Variants in PRKAR1A observed in about 807,000 individuals in gnomAD.
PRKAR1A encodes the protein cAMP-dependent protein kinase type I-alpha regulatory subunit.
A neutral mutation model predicts 52.0 loss-of-function variants in PRKAR1A; 3 were observed. That is an observed-to-expected ratio of 0.06 (90% confidence interval 0.03 to 0.15). The LOEUF (loss-of-function observed/expected upper bound fraction) is 0.15, where lower values mean the gene tolerates loss of function less well. PRKAR1A is among the 10% of genes least tolerant of loss of function. The pLI is 1.00. For synonymous variants in PRKAR1A, 188 were observed against 168.4 expected (o/e 1.12, Z -0.90); for missense variants, 240 against 477.4 (o/e 0.50, Z 4.63).
chr17:68,424,646 C>T, the PRKAR1A span: 8 of 388,050 alleles, frequency 2.1e-5, no homozygotes, highest in East Asian at 6.8e-5. Context: ...GAGGCCGAGA[C>T]GAGTGGATCA....
chr17:68,539,832 C>T (rs2086210342), intron 11 of PRKAR1A: 1 of 1,570,708 alleles, frequency 6.4e-7, no homozygotes, highest in Non-Finnish European at 8.8e-7. Context: ...GCTGGCTGCA[C>T]AGAGCAGCAC....
chr17:68,464,687 C>CAAA, the PRKAR1A span, among the ~76,000 whole-genome samples: 11 of 124,672 alleles, frequency 8.8e-5, no homozygotes, highest in African/African-American at 3.5e-4. Flanking sequence ...GACTCTGTCT[C>CAAA]AAAAAAAAAA....
chr17:68,486,451 C>T, the PRKAR1A span, among the ~76,000 whole-genome samples: 13 of 120,234 alleles, frequency 1.1e-4, no homozygotes, highest in Non-Finnish European at 1.9e-4. Flanking sequence ...CCTTCCTTCC[C>T]TCTTTCTTTC....
chr17:68,512,218 T>G (rs2085279006), upstream of PRKAR1A: 1 of 152,396 alleles, frequency 6.6e-6, no homozygotes, highest in African/African-American at 2.4e-5. Context: ...GTGGCGGGCG[T>G]GAGGAAACTG....
At chr17:68,510,584 C>A (rs534919161), upstream of PRKAR1A, among the ~76,000 whole-genome samples, 1 of 152,306 alleles carries the variant, frequency 6.6e-6, no homozygotes, top group Admixed American at 6.5e-5. Flanking sequence ...CATGACCGGG[C>A]CTGCTCAATG....
chr17:68,509,845 G>A (rs2085239602), upstream of PRKAR1A, among the ~76,000 whole-genome samples: 1 of 152,194 alleles, frequency 6.6e-6, no homozygotes, highest in Non-Finnish European at 1.5e-5. Context: ...ACAAGGTTGA[G>A]TGTGACTGAC....
chr17:68,422,663 AG>A, the PRKAR1A span: 1 of 127,560 alleles, frequency 7.8e-6, no homozygotes, highest in Non-Finnish European at 1.6e-5. Context: ...TAGGAGGTGG[AG>A]GTTGCAGTGA....
At chr17:68,480,976 A>G in the PRKAR1A span, among the ~76,000 whole-genome samples, 1 of 152,246 alleles carries the variant, frequency 6.6e-6, no homozygotes, top group Non-Finnish European at 1.5e-5. Context: ...CCACAGCTTC[A>G]TCTCTATGTC....
chr17:68,450,820 G>A, the PRKAR1A span: 372 of 1,614,148 alleles, frequency 2.3e-4, 8 homozygotes, highest in South Asian at 3.5e-3. Flanking sequence ...TTCATCTGCC[G>A]TGGTTTTGTG....
chr17:68,509,182 G>A (rs2143064796), upstream of PRKAR1A, among the ~76,000 whole-genome samples: 1 of 152,288 alleles, frequency 6.6e-6, no homozygotes, highest in East Asian at 1.9e-4. Flanking sequence ...CAGCAATTAT[G>A]CAATTTCTTT....
chr17:68,508,531 G>T (rs151130916), upstream of PRKAR1A, among the ~76,000 whole-genome samples: 2 of 152,140 alleles, frequency 1.3e-5, no homozygotes, highest in East Asian at 1.9e-4. Context: ...CTACTAGAAG[G>T]GGGAGTCGGG....
the PRKAR1A span, among the ~76,000 whole-genome samples, chr17:68,450,462 A>G: frequency 6.6e-6 from 1 of 152,202 alleles, no homozygotes; most frequent in South Asian, 2.1e-4. Flanking sequence ...GCGGTGCCCA[A>G]TCTGTACCCT....
chr17:68,540,819 T>C, intron 11 of PRKAR1A: 2 of 1,571,480 alleles, frequency 1.3e-6, no homozygotes, highest in Non-Finnish European at 1.7e-6. Flanking sequence ...AGAGCCCACT[T>C]CTGCTGGGGG....
chr17:68,533,211 G>A lies in PRKAR1A; in HGVS notation c.*2762G>A. 1 of 1,057,302 alleles carries A rather than the reference G, an allele frequency of 9.5e-7. No homozygotes were observed. The highest frequency in any genetic ancestry group is 1.1e-6 in the Non-Finnish European group (1 of 872,378). 65.5% of individuals were successfully genotyped at this position (1,057,302 alleles called of 1,614,324 possible). A position where few individuals can be genotyped will look rare whatever the true frequency, so the allele number is the denominator to read the frequency against. On this transcript the variant is annotated 3_prime_UTR_variant, in exon 11 of 11. Transcript: ENST00000589228. ...TCATATATAAAGCCTTATTTCTGAT[G>A]CTCTTAGATTTCTGAGGAGTGAGAT...
At chr17:68,550,369 CTT>C (rs747654899) in intron 11 of PRKAR1A, among the ~76,000 whole-genome samples, 1 of 79,390 alleles carries the variant, frequency 1.3e-5, no homozygotes. Context: ...AATGGGGGAA[CTT>C]TTTTTTTTTT....
At chr17:68,492,712 C>T in the PRKAR1A span, among the ~76,000 whole-genome samples, 4 of 152,246 alleles carry the variant, frequency 2.6e-5, no homozygotes, top group African/African-American at 9.6e-5. Flanking sequence ...TCAATTCTTG[C>T]CTCCTCAGAA....
the PRKAR1A span, among the ~76,000 whole-genome samples, chr17:68,495,954 C>CCTCTCCT: frequency 2.1e-5 from 2 of 94,776 alleles, no homozygotes; most frequent in Admixed American, 2.6e-4. Context: ...CCTTTCCTTT[C>CCTCTCCT]CTCTCCTCTC....
At chr17:68,449,802 C>A in the PRKAR1A span, among the ~76,000 whole-genome samples, 4 of 152,138 alleles carry the variant, frequency 2.6e-5, no homozygotes, top group Non-Finnish European at 1.5e-5. Context: ...TCCGGTAGTT[C>A]TTTAGAGTAA....
At position 68,550,396 on chromosome 17, in the gene PRKAR1A, T is replaced by TTTA. The variant is rs1491307289; in HGVS notation, c.974-688_974-687insTTA. 5.1e-5 allele frequency among the ~76,000 whole-genome samples: 7 copies of TTTA among 137,970 alleles called. No homozygotes were observed. In the East Asian group the frequency reaches 6.3e-4, roughly 12 times the overall value. 90.5% of individuals were successfully genotyped at this position (137,970 alleles called of 152,430 possible). On this transcript the variant is annotated intron_variant, in intron 11 of 11. Transcript: ENST00000585981. The stretch of plus-strand genomic sequence containing the variant: ...TTTTTTTTTTTTTTTTTTTTTTTTT[T>TTTA]AAGATAGAGAGTCTCCCTCTGTTGC...
Sources: allele counts gnomAD v4.1 joint callset (sites outside exome capture counted in the v4.1 genomes callset), GRCh38; gene constraint gnomAD v4.1.1; transcripts MANE v1.5; gene names NCBI Gene and HGNC (gene_info 2026-07-23, HGNC 2026-07-21).